The following WDR4 variants were observed in gnomAD, a reference collection of about 807,000 sequenced individuals.
WDR4 encodes the protein tRNA (guanine-N(7)-)-methyltransferase non-catalytic subunit WDR4.
WDR4 carries 47 observed loss-of-function variants against 48.6 expected under a neutral mutation model. That is an observed-to-expected ratio of 0.97 (90% CI 0.77 to 1.23). WDR4 has a LOEUF of 1.23. Among genes scored for constraint, WDR4 ranks in the 50% most tolerant of loss-of-function variants. The probability of loss-of-function intolerance (pLI) is 0.00; values close to 1 mark genes in which losing one functional copy is unlikely to be tolerated. For missense variants in WDR4, 606 were observed against 551.6 expected (o/e 1.10, Z -0.99); for synonymous variants, 268 against 230.0 (o/e 1.17, Z -1.49).
At chr21:42,865,045 A>C (rs2058217294) in intron 3 of WDR4, among the ~76,000 whole-genome samples, 2 of 152,154 alleles carry the variant, frequency 1.3e-5, no homozygotes, top group Non-Finnish European at 2.9e-5. Flanking sequence ...GTCCTCAATG[A>C]GGCCCCTATG....
intron 3 of WDR4, among the ~76,000 whole-genome samples, chr21:42,872,112 G>A (rs972007517): frequency 3.9e-5 from 6 of 152,196 alleles, no homozygotes; most frequent in Admixed American, 2.6e-4. Flanking sequence ...AGCCTCCCGA[G>A]TAGCTGGAAC....
chr21:42,859,558 C>CCAGGGGCCCGCGATCCA, intron 6 of WDR4, 104 bp downstream of exon 6: 1 of 820,430 alleles, frequency 1.2e-6, no homozygotes, highest in Admixed American at 2.3e-5. Context: ...CCACAGCCAG[C>CCAGGGGCCCGCGATCCA]CAGGGGCCAG....
intron 10 of WDR4, among the ~76,000 whole-genome samples, chr21:42,851,440 T>C (rs994563687): frequency 7.9e-5 from 12 of 152,186 alleles, no homozygotes; most frequent in African/African-American, 2.2e-4. Context: ...CGGAAACTCC[T>C]CCGACCTCAG....
At chr21:42,871,398 T>C (rs548596745) in intron 3 of WDR4, among the ~76,000 whole-genome samples, 1 of 152,318 alleles carries the variant, frequency 6.6e-6, no homozygotes, top group South Asian at 2.1e-4. Context: ...GCCAACCTAC[T>C]AGAAAGCCCC....
chr21:42,850,125 CGCT>C lies in WDR4; in HGVS notation c.1160_1162del (p.Gln387del), dbSNP rs2057783177. The C allele has an allele frequency of 1.2e-6, 2 of 1,613,956 alleles. No individual in the cohort carries two copies. Among genetic ancestry groups the C allele is most frequent in the Non-Finnish European group, 1.7e-6 (2 of 1,179,986 alleles). On this transcript the variant is annotated inframe_deletion, in exon 11 of 11. Coordinates refer to ENST00000398208, the MANE Select transcript of WDR4 (RefSeq NM_018669.6). ...GGGCCCAGGCGGGGGACTCCGGCGC[CGCT>C]GCTTCTTCTCTAGCTGCTGCTGCAG...
At chr21:42,883,774 CA>C (rs1055332119), upstream of WDR4, 14 of 153,664 alleles carry the variant, frequency 9.1e-5, no homozygotes, top group African/African-American at 3.4e-4. Flanking sequence ...ACCCTGACTT[CA>C]GACTTCTGGC....
At chr21:42,854,168 AAGC>A (rs1405069188) in intron 8 of WDR4, among the ~76,000 whole-genome samples, 7 of 152,262 alleles carry the variant, frequency 4.6e-5, no homozygotes, top group African/African-American at 1.4e-4. Context: ...ACTCGGGAAG[AAGC>A]AGCAGAACTG....
intron 1 of WDR4, among the ~76,000 whole-genome samples, chr21:42,877,495 T>C (rs558147907): frequency 4.6e-5 from 7 of 151,640 alleles, no homozygotes; most frequent in African/African-American, 1.7e-4. Flanking sequence ...AAAAAGTTGA[T>C]TTTTTTTCTC....
chr21:42,858,107 C>G (rs1347353115), intron 6 of WDR4, among the ~76,000 whole-genome samples: 1 of 152,070 alleles, frequency 6.6e-6, no homozygotes, highest in Non-Finnish European at 1.5e-5. Context: ...AAATAAGAAT[C>G]AGAGCATTAA....
At chr21:42,850,653 C>G (rs754557889) in intron 10 of WDR4, among the ~76,000 whole-genome samples, 1 of 152,178 alleles carries the variant, frequency 6.6e-6, no homozygotes, top group African/African-American at 2.4e-5. Flanking sequence ...ACAACCCAGA[C>G]TGAGTGAAGT....
downstream of WDR4, among the ~76,000 whole-genome samples, chr21:42,844,428 G>A (rs150505444): frequency 1.3e-5 from 2 of 152,256 alleles, no homozygotes; most frequent in East Asian, 1.9e-4. Context: ...CATTTAACAC[G>A]AAGAATGATT....
At chr21:42,851,187 C>T (rs569982326) in intron 10 of WDR4, among the ~76,000 whole-genome samples, 37 of 152,336 alleles carry the variant, frequency 2.4e-4, no homozygotes, top group Admixed American at 5.2e-4. Flanking sequence ...GCCTAGAGCA[C>T]GGGGGCCATG....
At chr21:42,859,776 CGGGAG>C in intron 5 of WDR4, 54 bp from the exon 6 acceptor site, 1 of 1,541,454 alleles carries the variant, frequency 6.5e-7, no homozygotes, top group South Asian at 1.2e-5. Context: ...CCGCAGGGAC[CGGGAG>C]GCCTGGGGAG....
In WDR4 at chr21:42,863,956, A is replaced by T. The variant is rs2058183838; in HGVS notation, c.297-360T>A. On this transcript the variant is annotated intron_variant, in intron 3 of 10. Transcript: ENST00000398208. ...CCCCGTCTCTACTAAAAATACAAAAAATTAGCCAGGCGTGGTGGCGGGCGC... is the reference window on the plus strand; with the variant it reads ...CCCCGTCTCTACTAAAAATACAAAATATTAGCCAGGCGTGGTGGCGGGCGC... Among the ~76,000 whole-genome samples the T allele has an allele frequency of 3.7e-5, 3 of 82,142 alleles. No homozygotes were observed. In the South Asian group the frequency reaches 1.0e-3, roughly 28 times the overall value. The allele number at this position is 82,142 out of a possible 152,430, so 53.9% of individuals were successfully genotyped here.
rs1297609387 is a variant in WDR4 at position 42,850,148 on chromosome 21, C to A, written c.1140G>T (p.Gln380His). ...GCCGCTGCTTCTTCTCTAGCTGCTG[C>A]TGCAGTCTCTCCTCTTTCTTCTTCA... Reference protein sequence around the residue: ...SYLKKKEERLQQQLEKKQRRR... With the variant: ...SYLKKKEERLHQQLEKKQRRR... The change falls in exon 11 of 11, where the codon CAG becomes CAT. Residue 380 changes from glutamine to histidine, a missense_variant. Transcript: ENST00000398208. 2.5e-6 allele frequency: 4 copies of A among 1,614,018 alleles called. No homozygotes were observed. The African/African-American group carries it at 5.3e-5, about 22-fold the overall frequency.
rs766032862 is a variant in WDR4 at position 42,859,742 on chromosome 21, C to T, written c.567-20G>A. On this transcript the variant is annotated intron_variant, in intron 5 of 10. Transcript: ENST00000398208. ...ACAAACCTGTGAGGGCGAGAGAGAG[C>T]GGCAGAGTCAGCGAGCCCAGCGCCC... The T allele has an allele frequency of 2.7e-5, 42 of 1,553,912 alleles. No homozygotes were observed. Among genetic ancestry groups the T allele is most frequent in the Non-Finnish European group, 1.8e-5 (21 of 1,148,428 alleles).
At chr21:42,868,340 T>G (rs2058295581) in intron 3 of WDR4, among the ~76,000 whole-genome samples, 1 of 151,062 alleles carries the variant, frequency 6.6e-6, no homozygotes, top group South Asian at 2.1e-4. Flanking sequence ...CACATTGAAG[T>G]AAGGTGACAT....
chr21:42,878,656 C>T (rs2058556903), intron 1 of WDR4, among the ~76,000 whole-genome samples: 1 of 152,194 alleles, frequency 6.6e-6, no homozygotes, highest in Non-Finnish European at 1.5e-5. Flanking sequence ...ACTAATTGCT[C>T]CGAGAGTCCT....
chr21:42,857,126 G>A (rs78291044), intron 6 of WDR4, among the ~76,000 whole-genome samples: 8,425 of 152,064 alleles, frequency 0.055, 349 homozygotes, highest in Non-Finnish European at 0.087. Context: ...AAAGAGAAAC[G>A]GGACCTCCCT....
Sources: gnomAD v4.1 joint callset for allele counts (sites outside exome capture counted in the v4.1 genomes callset) on GRCh38, gnomAD v4.1.1 for gene constraint, MANE v1.5 for transcripts, NCBI Gene and HGNC (gene_info 2026-07-23, HGNC 2026-07-21) for gene names.